The following ZNF133 variants were observed in gnomAD, a reference collection of about 807,000 sequenced individuals.
The protein encoded by ZNF133 is zinc finger protein 133, also known as zinc finger protein 133 (clone pHZ-13).
A neutral mutation model predicts 54.9 loss-of-function variants in ZNF133; 26 were observed. The observed-to-expected ratio is 0.47, with a 90% CI of 0.35 to 0.66. The LOEUF (loss-of-function observed/expected upper bound fraction) is 0.66. Ranked by LOEUF, ZNF133 falls within the 30% of genes least tolerant of loss-of-function variation. The pLI, the probability that ZNF133 is intolerant of heterozygous loss-of-function variation, is 0.01. For synonymous variants in ZNF133, 298 were observed against 320.3 expected (o/e 0.93, Z 0.74); for missense variants, 653 against 820.8 (o/e 0.80, Z 2.50).
At chr20:18,304,257 A>G (rs1484773636) in intron 3 of ZNF133, among the ~76,000 whole-genome samples, 1 of 152,220 alleles carries the variant, frequency 6.6e-6, no homozygotes, top group African/African-American at 2.4e-5. Context: ...CCAAAACTAG[A>G]AAGCAGTAAG....
intron 6 of ZNF133, 174 bp downstream of exon 6, chr20:18,306,567 G>A: frequency 1.2e-6 from 1 of 865,636 alleles, no homozygotes; most frequent in South Asian, 1.9e-5. Context: ...ATTCGAGTAT[G>A]GACGGGGCTT....
chr20:18,306,270 G>T, intron 5 of ZNF133, 28 bp from the exon 6 acceptor site: 1 of 1,600,802 alleles, frequency 6.2e-7, no homozygotes, highest in Non-Finnish European at 8.5e-7. Flanking sequence ...CCATAACCTA[G>T]TTACTTATTT....
rs1414724268 is a variant in ZNF133 at position 18,305,079 on chromosome 20, T to A, written c.-106T>A. 1.0e-6 allele frequency: 1 copy of A among 985,500 alleles called. No homozygotes were observed. The allele number at this position is 985,500 out of a possible 1,614,324, so 61.0% of individuals were successfully genotyped here. ...ACTGGGCAGGGGCATGAGAATAGGA[T>A]GCAAAGATGAATTTTTGGACTGAGT... is the stretch of plus-strand genomic sequence containing the variant. On this transcript the variant is annotated 5_prime_UTR_variant, in exon 4 of 7. An upstream start codon of the reference 5' UTR is lost. Transcript: ENST00000425686. This position sits in a 1 kb window ranked among gnomAD's most constrained non-coding sequence, Gnocchi z 4.7.
At chr20:18,292,347 C>A (rs998715508) in intron 1 of ZNF133, among the ~76,000 whole-genome samples, 1 of 152,226 alleles carries the variant, frequency 6.6e-6, no homozygotes, top group East Asian at 1.9e-4. Context: ...GATGTCCCTA[C>A]ATTTACTCTT....
chr20:18,309,255 A>AAC (rs978252289), intron 6 of ZNF133, among the ~76,000 whole-genome samples: 1 of 152,216 alleles, frequency 6.6e-6, no homozygotes, highest in African/African-American at 2.4e-5. Flanking sequence ...ATTTGGGGGA[A>AAC]ACACAACTCA....
chr20:18,316,981 CT>C lies in ZNF133; in HGVS notation c.*168del. 1.3e-6 allele frequency: 1 copy of C among 776,332 alleles called. No individual in the cohort carries two copies. The highest frequency in any genetic ancestry group is 2.0e-6 in the Non-Finnish European group (1 of 500,112). The allele number at this position is 776,332 out of a possible 1,614,324, so 48.1% of individuals were successfully genotyped here. A position where few individuals can be genotyped will look rare whatever the true frequency, so the allele number is the denominator to read the frequency against. On this transcript the variant is annotated 3_prime_UTR_variant, in exon 7 of 7. Transcript: ENST00000425686. ...CCTTCGGTTGTAATAAACTTGGCTT[CT>C]TTATACATCTGTAACTGTGCCTGTG...
At chr20:18,304,884 C>G (rs1052878999) in intron 3 of ZNF133, 124 bp from the exon 4 acceptor site, 12 of 606,184 alleles carry the variant, frequency 2.0e-5, no homozygotes, top group Non-Finnish European at 2.3e-5. Context: ...ATGTCCTTGT[C>G]CCTGCTCCCC....
chr20:18,293,931 AAG>A (rs1451580263), intron 1 of ZNF133, among the ~76,000 whole-genome samples: 1 of 152,244 alleles, frequency 6.6e-6, no homozygotes, highest in Non-Finnish European at 1.5e-5. Flanking sequence ...AAGGGGGAAA[AAG>A]AACTTTGTCA....
At chr20:18,296,072 C>T (rs1449279114) in intron 1 of ZNF133, among the ~76,000 whole-genome samples, 3 of 152,110 alleles carry the variant, frequency 2.0e-5, no homozygotes, top group African/African-American at 7.2e-5. Context: ...CCTTTTTCTA[C>T]TTTCTTCTTC....
chr20:18,314,852 G>GTCT, intron 6 of ZNF133: 1 of 450,894 alleles, frequency 2.2e-6, no homozygotes, highest in Non-Finnish European at 3.9e-6. Context: ...TGCTTGTGTA[G>GTCT]TCTTATATGT....
At chr20:18,291,355 A>G (rs967923544) in intron 1 of ZNF133, among the ~76,000 whole-genome samples, 1 of 152,202 alleles carries the variant, frequency 6.6e-6, no homozygotes, top group African/African-American at 2.4e-5. Context: ...CTCCTTGACT[A>G]AAGGCCACAA....
At chr20:18,310,094 G>T in intron 6 of ZNF133, 6 of 1,214,732 alleles carry the variant, frequency 4.9e-6, no homozygotes, top group Non-Finnish European at 6.3e-6. Flanking sequence ...TTAATAACAA[G>T]CAGCTTACCT....
At chr20:18,310,051 C>A in intron 6 of ZNF133, 1 of 1,025,852 alleles carries the variant, frequency 9.7e-7, no homozygotes. Context: ...GTTTTCTCAA[C>A]CTGAAAAGTA....
chr20:18,315,325 C>T lies in ZNF133; in HGVS notation c.474C>T (p.Thr158=), dbSNP rs368787736. Reference sequence around the variant, plus strand: ...GTGCCATGCCTTTGTTTGGAAGAACCAAGAAAAGGACTCTGGGAGCGTTCT... The same window carrying T: ...GTGCCATGCCTTTGTTTGGAAGAACTAAGAAAAGGACTCTGGGAGCGTTCT... ...GEGAMPLFGR[T]KKRTLGAFSR... Residue 158 remains threonine (T), a synonymous_variant, in exon 7 of 7, where the codon ACC becomes ACT. Coordinates refer to ENST00000425686, the MANE Select transcript of ZNF133 (RefSeq NM_001352452.2). 6.8e-6 allele frequency: 11 copies of T among 1,613,886 alleles called. No individual in the cohort carries two copies. Among genetic ancestry groups the T allele is most frequent in the Non-Finnish European group, 9.3e-6 (11 of 1,179,998 alleles).
At position 18,309,454 on chromosome 20, in the gene ZNF133, A is replaced by G. The variant is rs576452051; in HGVS notation, c.217+3061A>G. On this transcript the variant is annotated intron_variant, in intron 6 of 6. Coordinates refer to ENST00000425686, the MANE Select transcript of ZNF133 (RefSeq NM_001352452.2). ...GGAGCCCCAAATAAGGTCAGGAACC[A>G]ATGTGCCCATGGTGCTTGAGCAAAG... Among the ~76,000 whole-genome samples the G allele has an allele frequency of 3.9e-5, 6 of 152,364 alleles. No individual in the cohort carries two copies. The East Asian group carries it at 1.2e-3, about 29-fold the overall frequency.
intron 3 of ZNF133, among the ~76,000 whole-genome samples, chr20:18,301,553 T>C (rs902538503): frequency 6.6e-6 from 1 of 152,130 alleles, no homozygotes; most frequent in Admixed American, 6.5e-5. Context: ...AAAACTCAAA[T>C]TACTAAAATC....
intron 1 of ZNF133, among the ~76,000 whole-genome samples, chr20:18,293,411 T>C (rs6035013): frequency 0.05 from 7,651 of 152,298 alleles, 661 homozygotes; most frequent in African/African-American, 0.17. Context: ...CTCCAGGTAG[T>C]GTAAGGGCTT....
At chr20:18,313,863 C>A (rs1401796613) in intron 6 of ZNF133, 2 of 152,314 alleles carry the variant, frequency 1.3e-5, no homozygotes, top group Admixed American at 6.5e-5. Flanking sequence ...GCTTTCTCTG[C>A]AGGAGCTCCT....
intron 6 of ZNF133, chr20:18,310,139 C>G (rs1023825819): frequency 2.3e-6 from 3 of 1,309,898 alleles, no homozygotes. Context: ...TCTTTTTTGT[C>G]TCGTTTTTAA....
Sources: gnomAD v4.1 joint callset for allele counts (sites outside exome capture counted in the v4.1 genomes callset) on GRCh38, gnomAD v4.1.1 for gene constraint, Gnocchi (gnomAD v3.1) non-coding constraint, MANE v1.5 for transcripts, NCBI Gene and HGNC (gene_info 2026-07-23, HGNC 2026-07-21) for gene names.